MAP7: variants seen among roughly 807,000 people sequenced by gnomAD.
MAP7 encodes the protein microtubule associated protein 7.
In MAP7, 52 loss-of-function variants were observed where a neutral mutation model predicts 94.8. That is an observed-to-expected ratio of 0.55 (90% confidence interval 0.44 to 0.69). The LOEUF is 0.69. MAP7 is among the 30% of genes least tolerant of loss of function. The pLI is 0.00. For synonymous variants in MAP7, 350 were observed against 357.0 expected (o/e 0.98, Z 0.22); for missense variants, 940 against 964.6 (o/e 0.97, Z 0.34).
chr6:136,501,093 A>T (rs936084313), intron 1 of MAP7, among the ~76,000 whole-genome samples: 1 of 152,254 alleles, frequency 6.6e-6, no homozygotes, highest in Non-Finnish European at 1.5e-5. Context: ...AAAGAAAAAT[A>T]AAGAATAATA....
rs149842679 is a variant in MAP7, at chr6:136,370,768, G to A, written c.876+1733C>T. Among the ~76,000 whole-genome samples, 526 of 152,226 alleles carry A rather than the reference G, an allele frequency of 3.5e-3. 6 individuals are homozygous for A. The highest frequency in any genetic ancestry group is 2.9e-3 in the Non-Finnish European group (196 of 68,022). ...CCAGGGCCTGGGGGGAGGGGGAAAT[G>A]GGGAGTTGTTTAATGGGTATAGAGT... On this transcript the variant is annotated intron_variant, in intron 8 of 17. Coordinates refer to ENST00000354570, the MANE Select transcript of MAP7 (RefSeq NM_003980.6).
intron 1 of MAP7, among the ~76,000 whole-genome samples, chr6:136,507,073 G>T (rs1821740353): frequency 1.3e-5 from 2 of 152,088 alleles, no homozygotes; most frequent in South Asian, 2.1e-4. Flanking sequence ...CCTGATTCGT[G>T]AATCGTTTCT....
chr6:136,344,114 G>T lies in MAP7; in HGVS notation c.*114C>A. 2.3e-6 allele frequency: 1 copy of T among 432,616 alleles called. No homozygotes were observed. Among genetic ancestry groups the T allele is most frequent in the Non-Finnish European group, 4.1e-6 (1 of 244,230 alleles). The allele number at this position is 432,616 out of a possible 1,614,324, so 26.8% of individuals were successfully genotyped here. On this transcript the variant is annotated 3_prime_UTR_variant, in exon 18 of 18. Coordinates refer to ENST00000354570, the MANE Select transcript of MAP7 (RefSeq NM_003980.6). ...TTTTAATAAATCTTTTCAAAATGAT[G>T]GTCAAGAACTCTAGAAAACGGGTGG...
intron 3 of MAP7, among the ~76,000 whole-genome samples, chr6:136,392,239 G>T (rs983483957): frequency 6.6e-6 from 1 of 151,780 alleles, no homozygotes; most frequent in Admixed American, 6.6e-5. Flanking sequence ...CACTATGCCC[G>T]GCTAATTTTT....
intron 3 of MAP7, among the ~76,000 whole-genome samples, chr6:136,391,673 C>A (rs1473974621): frequency 1.7e-4 from 25 of 143,980 alleles, no homozygotes; most frequent in South Asian, 2.2e-4. Context: ...AACTATTATT[C>A]AAAAAAAAAA....
intron 1 of MAP7, among the ~76,000 whole-genome samples, chr6:136,530,877 T>C (rs1305227668): frequency 6.9e-6 from 1 of 144,918 alleles, no homozygotes; most frequent in Non-Finnish European, 1.5e-5. Context: ...CAGGTCCCTG[T>C]GGTGCCTTTT....
At chr6:136,406,591 C>A (rs539488547) in intron 3 of MAP7, among the ~76,000 whole-genome samples, 6 of 152,248 alleles carry the variant, frequency 3.9e-5, no homozygotes, top group Non-Finnish European at 8.8e-5. Flanking sequence ...GAGGTCAAGG[C>A]GGGCAAATCC....
At chr6:136,496,627 TTGG>T (rs1463562251) in intron 1 of MAP7, among the ~76,000 whole-genome samples, 2 of 151,838 alleles carry the variant, frequency 1.3e-5, no homozygotes, top group East Asian at 3.9e-4. Flanking sequence ...ATATGTTAAC[TTGG>T]CTCCTAGGCT....
At chr6:136,485,330 A>G (rs903337331) in intron 1 of MAP7, among the ~76,000 whole-genome samples, 1 of 152,130 alleles carries the variant, frequency 6.6e-6, no homozygotes, top group African/African-American at 2.4e-5. Flanking sequence ...TATTAGTTTT[A>G]TTATTGCAGG....
chr6:136,398,200 C>T (rs1450550682), intron 3 of MAP7, among the ~76,000 whole-genome samples: 1 of 152,216 alleles, frequency 6.6e-6, no homozygotes, highest in Non-Finnish European at 1.5e-5. Context: ...CAGTTTCTGG[C>T]TTCATATGAA....
At chr6:136,412,789 G>A (rs1027754363) in intron 2 of MAP7, among the ~76,000 whole-genome samples, 12 of 152,228 alleles carry the variant, frequency 7.9e-5, no homozygotes, top group Admixed American at 2.0e-4. Context: ...CTCTGCTGCC[G>A]AATTAAAACA....
At chr6:136,541,612 C>T (rs1829325159) in intron 1 of MAP7, among the ~76,000 whole-genome samples, 1 of 152,214 alleles carries the variant, frequency 6.6e-6, no homozygotes, top group African/African-American at 2.4e-5. Flanking sequence ...ACCCCGTGCT[C>T]CTCTGTGCCA....
chr6:136,411,472 A>T, intron 3 of MAP7, 148 bp downstream of exon 3: 1 of 694,934 alleles, frequency 1.4e-6, no homozygotes, highest in Non-Finnish European at 2.4e-6. Context: ...ATTGTCACTT[A>T]AAACTTATCC....
chr6:136,421,855 G>A (rs762517778), intron 1 of MAP7, 56 bp from the exon 2 acceptor site: 2 of 1,376,612 alleles, frequency 1.5e-6, no homozygotes, highest in Non-Finnish European at 2.0e-6. Context: ...AATTTCTTCA[G>A]AAACATTTAA....
Position 136,351,528 on chromosome 6 carries a change from T to C in MAP7, c.2015+5164A>G, listed in dbSNP as rs1011405311. 2.6e-5 allele frequency among the ~76,000 whole-genome samples: 4 copies of C among 152,178 alleles called. No homozygotes were observed. In the East Asian group the frequency reaches 7.7e-4, roughly 29 times the overall value. On this transcript the variant is annotated intron_variant, in intron 16 of 17. Coordinates refer to ENST00000354570, the MANE Select transcript of MAP7 (RefSeq NM_003980.6). Reference sequence around the variant, plus strand: ...ATGTCCAGATGAGAAAACTAAGGTTTAATTAAGTAGGTTAACCCCACAGTT... The same window carrying C: ...ATGTCCAGATGAGAAAACTAAGGTTCAATTAAGTAGGTTAACCCCACAGTT...
chr6:136,360,997 G>C lies in MAP7; in HGVS notation c.1701+8C>G. ...TGGGGCCGGGGCCAGGGTGGGGTGC[G>C]GCCGCACCTGCCTCTGGGCGCGCTC... On this transcript the variant is annotated splice_region_variant and intron_variant, in intron 12 of 17. Coordinates refer to ENST00000354570, the MANE Select transcript of MAP7 (RefSeq NM_003980.6). The C allele has an allele frequency of 6.4e-7, 1 of 1,561,856 alleles. No homozygotes were observed. The highest frequency in any genetic ancestry group is 8.6e-7 in the Non-Finnish European group (1 of 1,161,424).
At chr6:136,525,903 A>C (rs1424454223) in intron 1 of MAP7, 1 of 1,534,922 alleles carries the variant, frequency 6.5e-7, no homozygotes, top group East Asian at 2.4e-5. Context: ...ACCAAGAGGA[A>C]TTGGCCTTGC....
At chr6:136,452,544 ATAATTTTTTTTT>A (rs752518857) in intron 1 of MAP7, among the ~76,000 whole-genome samples, 6 of 152,062 alleles carry the variant, frequency 3.9e-5, no homozygotes, top group Non-Finnish European at 7.4e-5. Context: ...CTTTTTAGCA[ATAATTTTTTTTT>A]TAATTTTTTT....
intron 1 of MAP7, among the ~76,000 whole-genome samples, chr6:136,501,301 C>T (rs1484529380): frequency 6.6e-6 from 1 of 152,216 alleles, no homozygotes. Context: ...CACTTCCTCT[C>T]CAGTTCTTAT....
Sources: gnomAD v4.1 joint callset for allele counts (sites outside exome capture counted in the v4.1 genomes callset) on GRCh38, gnomAD v4.1.1 for gene constraint, MANE v1.5 for transcripts, NCBI Gene and HGNC (gene_info 2026-07-23, HGNC 2026-07-21) for gene names.